Variants in VOPP1 observed in about 807,000 individuals in gnomAD.
VOPP1 encodes the protein VOPP1 WW domain binding protein.
VOPP1 carries 8 observed loss-of-function variants against 23.5 expected under a neutral mutation model. That is an observed-to-expected ratio of 0.34 (90% CI 0.20 to 0.61). VOPP1 has a LOEUF of 0.61. Among genes scored for constraint, VOPP1 ranks in the 20% least tolerant of loss-of-function variants. The pLI, the probability that VOPP1 is intolerant of heterozygous loss-of-function variation, is 0.78. For missense variants in VOPP1, 174 were observed against 238.1 expected (o/e 0.73, Z 1.77); for synonymous variants, 83 against 97.3 (o/e 0.85, Z 0.86).
intron 1 of VOPP1, among the ~76,000 whole-genome samples, chr7:55,531,946 C>G (rs1305120862): frequency 6.6e-6 from 1 of 152,218 alleles, no homozygotes; most frequent in African/African-American, 2.4e-5. Flanking sequence ...TTACCTTTTG[C>G]AGACAGAAAT....
intron 1 of VOPP1, chr7:55,553,756 TACACACAC>T (rs59300549): frequency 0.11 from 15,480 of 138,440 alleles, 992 homozygotes; most frequent in East Asian, 0.24. Context: ...CCCTGCACTC[TACACACAC>T]ACACACACAC....
chr7:55,535,387 C>A (rs1174381615), intron 1 of VOPP1, among the ~76,000 whole-genome samples: 1 of 152,190 alleles, frequency 6.6e-6, no homozygotes, highest in African/African-American at 2.4e-5. Context: ...GCTCAGAGGG[C>A]ACTGGGGCAG....
rs566831689 is a variant in VOPP1, at chr7:55,521,756, G to A, written c.55-626C>T. Reference sequence around the variant, plus strand: ...GGGCAGGGCAGGGCAGGGCAGGGCAGGGTGGGTGAGTGCACACAGGCATCG... The same window carrying A: ...GGGCAGGGCAGGGCAGGGCAGGGCAAGGTGGGTGAGTGCACACAGGCATCG... On this transcript the variant is annotated intron_variant, in intron 1 of 4. Transcript: ENST00000285279. The A allele has an allele frequency of 8.1e-6, 8 of 986,744 alleles. No homozygotes were observed. In the African/African-American group the frequency reaches 1.4e-4, roughly 17 times the overall value. The allele number at this position is 986,744 out of a possible 1,614,324, so 61.1% of individuals were successfully genotyped here.
At chr7:55,479,301 C>T in intron 4 of VOPP1, among the ~76,000 whole-genome samples, 1 of 151,804 alleles carries the variant, frequency 6.6e-6, no homozygotes, top group African/African-American at 2.4e-5. Context: ...GCTATCCCTC[C>T]CCCATCCCCC....
chr7:55,551,004 A>G (rs968404342), intron 1 of VOPP1, among the ~76,000 whole-genome samples: 3 of 152,190 alleles, frequency 2.0e-5, no homozygotes, highest in Non-Finnish European at 4.4e-5. Flanking sequence ...ACAGCCCGAG[A>G]AGAGGGAAGG....
intron 1 of VOPP1, among the ~76,000 whole-genome samples, chr7:55,527,394 C>T (rs1796251685): frequency 6.6e-6 from 1 of 151,914 alleles, no homozygotes; most frequent in Admixed American, 6.6e-5. Flanking sequence ...TAAAAGATAC[C>T]CCTGTCTTAT....
intron 4 of VOPP1, among the ~76,000 whole-genome samples, chr7:55,474,768 G>A (rs1213304490): frequency 6.6e-6 from 1 of 152,220 alleles, no homozygotes; most frequent in East Asian, 1.9e-4. Context: ...GGAAACATGG[G>A]CATGTCCAGG....
chr7:55,527,192 C>A (rs1191099381), intron 1 of VOPP1, among the ~76,000 whole-genome samples: 1 of 152,142 alleles, frequency 6.6e-6, no homozygotes. Flanking sequence ...GCTTTAAATT[C>A]CTGTACTGGA....
chr7:55,546,860 G>A (rs1349155119), intron 1 of VOPP1, among the ~76,000 whole-genome samples: 1 of 152,204 alleles, frequency 6.6e-6, no homozygotes, highest in Non-Finnish European at 1.5e-5. Flanking sequence ...CTAAGCCATG[G>A]GATCAGGTCT....
At chr7:55,551,909 G>A (rs562998893) in intron 1 of VOPP1, among the ~76,000 whole-genome samples, 4 of 151,554 alleles carry the variant, frequency 2.6e-5, no homozygotes, top group African/African-American at 7.3e-5. Context: ...ACATGGTGGC[G>A]CATGCCTATA....
downstream of VOPP1, among the ~76,000 whole-genome samples, chr7:55,467,524 C>T (rs930800152): frequency 6.6e-6 from 1 of 152,260 alleles, no homozygotes; most frequent in Non-Finnish European, 1.5e-5. Flanking sequence ...TCTCCTTCCC[C>T]ATCAGTCAAC....
rs1450875359 is a variant in VOPP1 at position 55,471,692 on chromosome 7, A to C, written c.*1163T>G. 6.6e-6 allele frequency: 1 copy of C among 151,898 alleles called. No individual in the cohort carries two copies. The allele number at this position is 151,898 out of a possible 1,614,324, so 9.4% of individuals were successfully genotyped here. A position where few individuals can be genotyped will look rare whatever the true frequency, so the allele number is the denominator to read the frequency against. On this transcript the variant is annotated 3_prime_UTR_variant, in exon 5 of 5. Coordinates refer to ENST00000285279, the MANE Select transcript of VOPP1 (RefSeq NM_030796.5). Reference sequence around the variant, plus strand: ...GGGTGAGCTGTGATTCCTATCCAGGAATGTGCATTTCCGACCACTTCTTCT... The same window carrying C: ...GGGTGAGCTGTGATTCCTATCCAGGCATGTGCATTTCCGACCACTTCTTCT...
chr7:55,552,953 T>A (rs765922857), intron 1 of VOPP1: 2 of 665,948 alleles, frequency 3.0e-6, no homozygotes, highest in Non-Finnish European at 4.4e-6. Flanking sequence ...TAAGGCGCTG[T>A]AGGAAAAGAC....
chr7:55,496,192 C>G (rs1046938733), intron 3 of VOPP1, among the ~76,000 whole-genome samples: 2 of 152,234 alleles, frequency 1.3e-5, no homozygotes, highest in Admixed American at 6.5e-5. Context: ...ACGCCCTCAT[C>G]ATCATTCATC....
chr7:55,561,945 A>C, intron 1 of VOPP1: 1 of 703,310 alleles, frequency 1.4e-6, no homozygotes, highest in South Asian at 1.5e-5. Context: ...GAATGGGAAA[A>C]CAGGAAGTGA....
At chr7:55,522,010 T>G in intron 1 of VOPP1, 2 of 671,240 alleles carry the variant, frequency 3.0e-6, no homozygotes, top group Non-Finnish European at 3.7e-6. Context: ...CTTCAAAACA[T>G]TATGGTGCAA....
At chr7:55,514,072 C>T (rs188267402) in intron 2 of VOPP1, among the ~76,000 whole-genome samples, 2 of 152,210 alleles carry the variant, frequency 1.3e-5, no homozygotes, top group Non-Finnish European at 2.9e-5. Flanking sequence ...TGACTGGGAG[C>T]GGCGCCCTTT....
intron 2 of VOPP1, among the ~76,000 whole-genome samples, chr7:55,507,420 T>A (rs549686731): frequency 0.015 from 2,251 of 152,218 alleles, 64 homozygotes; most frequent in African/African-American, 0.05. Context: ...CAGGTATATT[T>A]TTTTTTAACA....
chr7:55,554,816 A>C (rs1250558194), intron 1 of VOPP1, among the ~76,000 whole-genome samples: 1 of 152,230 alleles, frequency 6.6e-6, no homozygotes, highest in Non-Finnish European at 1.5e-5. Flanking sequence ...TTTTGGAGAC[A>C]TTCACATAAA....
Sources: gnomAD v4.1 joint callset for allele counts (sites outside exome capture counted in the v4.1 genomes callset) on GRCh38, gnomAD v4.1.1 for gene constraint, MANE v1.5 for transcripts, NCBI Gene and HGNC (gene_info 2026-07-23, HGNC 2026-07-21) for gene names.